The following PKHD1 variants were observed in gnomAD, a reference collection of about 807,000 sequenced individuals.
PKHD1 encodes the protein PKHD1 ciliary IPT domain containing fibrocystin/polyductin, also known as fibrocystin.
PKHD1 carries 291 observed loss-of-function variants against 412.0 expected under a neutral mutation model. The ratio of observed to expected loss-of-function variants is 0.71; its 90% CI spans 0.64 to 0.78. PKHD1 has a LOEUF of 0.78. Ranked by LOEUF, PKHD1 falls within the 30% of genes least tolerant of loss-of-function variation. The pLI, the probability that PKHD1 is intolerant of heterozygous loss-of-function variation, is 0.00. For synonymous variants in PKHD1, 1,777 were observed against 1,821.5 expected (o/e 0.98, Z 0.62); for missense variants, 4,825 against 4,950.7 (o/e 0.97, Z 0.76).
chr6:52,033,179 T>C lies in PKHD1; in HGVS notation c.3229-14A>G, dbSNP rs1306511159. The stretch of plus-strand genomic sequence containing the variant: ...TCCATCTTTCCCCTGAAAAATCAAT[T>C]TTAAAAATTAAACCTCAGTTTTATT... On this transcript the variant is annotated splice_polypyrimidine_tract_variant and intron_variant, in intron 28 of 66. Coordinates refer to ENST00000371117, the MANE Select transcript of PKHD1 (RefSeq NM_138694.4). 1 of 1,608,568 alleles carries C rather than the reference T, an allele frequency of 6.2e-7. No individual in the cohort carries two copies. The highest frequency in any genetic ancestry group is 8.5e-7 in the Non-Finnish European group (1 of 1,175,504).
intron 35 of PKHD1, among the ~76,000 whole-genome samples, chr6:51,981,325 C>A (rs1419537397): frequency 1.8e-4 from 4 of 21,806 alleles, no homozygotes; most frequent in African/African-American, 4.9e-4. Context: ...CCCTCTCCCT[C>A]TCCCTCTCCC....
intron 27 of PKHD1, among the ~76,000 whole-genome samples, chr6:52,039,060 A>G (rs1199090779): frequency 6.6e-6 from 1 of 152,258 alleles, no homozygotes. Context: ...AACTCAATTT[A>G]AAAATTGGCA....
intron 2 of PKHD1, 36 bp from the exon 3 acceptor site, chr6:52,083,291 G>T (rs750772975): frequency 3.7e-6 from 5 of 1,346,142 alleles, no homozygotes; most frequent in Non-Finnish European, 5.3e-6. Flanking sequence ...GGTTTTGAAG[G>T]TCAGATTCAA....
chr6:51,651,222 C>T (rs1189580778), intron 61 of PKHD1, among the ~76,000 whole-genome samples: 1 of 152,180 alleles, frequency 6.6e-6, no homozygotes, highest in Non-Finnish European at 1.5e-5. Flanking sequence ...AGGTCACAGA[C>T]TTGCTGCTGC....
intron 34 of PKHD1, among the ~76,000 whole-genome samples, chr6:52,011,418 G>A (rs1024189423): frequency 6.6e-6 from 1 of 152,224 alleles, no homozygotes; most frequent in African/African-American, 2.4e-5. Context: ...GGTGTAAAAA[G>A]TGTAACCCAA....
intron 51 of PKHD1, among the ~76,000 whole-genome samples, chr6:51,831,462 C>T (rs1403352077): frequency 6.6e-6 from 1 of 152,070 alleles, no homozygotes; most frequent in African/African-American, 2.4e-5. Context: ...TATTTAAATG[C>T]CTTGTAAACA....
chr6:51,953,781 A>T (rs1423429074), intron 36 of PKHD1, among the ~76,000 whole-genome samples: 1 of 152,060 alleles, frequency 6.6e-6, no homozygotes, highest in Non-Finnish European at 1.5e-5. Flanking sequence ...ACTTAAAAAG[A>T]TCTGAATGTC....
intron 36 of PKHD1, among the ~76,000 whole-genome samples, chr6:51,940,687 A>G (rs920370879): frequency 6.6e-6 from 1 of 151,698 alleles, no homozygotes; most frequent in Admixed American, 6.6e-5. Context: ...GGAAGCCTAC[A>G]GGACCATCGC....
At chr6:52,007,086 G>A (rs993901896) in intron 35 of PKHD1, among the ~76,000 whole-genome samples, 15 of 152,066 alleles carry the variant, frequency 9.9e-5, no homozygotes, top group African/African-American at 1.4e-4. Context: ...TTATTGACTC[G>A]TTTCCTGATG....
At position 51,791,075 on chromosome 6, in the gene PKHD1, T is replaced by C. The variant is rs190488577; in HGVS notation, c.8440+161A>G. 6.6e-3 allele frequency among the ~76,000 whole-genome samples: 1,006 copies of C among 152,286 alleles called. 6 individuals are homozygous for C. The highest frequency in any genetic ancestry group is 0.011 in the Non-Finnish European group (730 of 68,022). ...AATACAAGCCACCTCTGACCACATG[T>C]AAAGCTTGCCGAAGAGCAACTTTAC... On this transcript the variant is annotated intron_variant, in intron 53 of 66. Coordinates refer to ENST00000371117, the MANE Select transcript of PKHD1 (RefSeq NM_138694.4).
chr6:51,949,702 T>C (rs1479320412), intron 36 of PKHD1, among the ~76,000 whole-genome samples: 1 of 152,060 alleles, frequency 6.6e-6, no homozygotes, highest in Non-Finnish European at 1.5e-5. Flanking sequence ...TCCTATCCAC[T>C]AGCAGCTCAG....
chr6:51,673,415 C>CT (rs34352778), intron 60 of PKHD1, among the ~76,000 whole-genome samples: 10 of 152,224 alleles, frequency 6.6e-5, no homozygotes, highest in Admixed American at 5.9e-4. Flanking sequence ...AGCTTTCCTA[C>CT]TTTTCTGTGT....
intron 50 of PKHD1, among the ~76,000 whole-genome samples, chr6:51,841,179 A>G (rs1373135574): frequency 1.3e-5 from 2 of 152,214 alleles, no homozygotes; most frequent in African/African-American, 2.4e-5. Flanking sequence ...TAGGTATATA[A>G]GCTCAGATTT....
intron 53 of PKHD1, among the ~76,000 whole-genome samples, chr6:51,790,308 C>T (rs1036090323): frequency 1.3e-5 from 2 of 152,254 alleles, no homozygotes; most frequent in Admixed American, 6.5e-5. Flanking sequence ...ATACCTATTG[C>T]TTACAACAGT....
intron 18 of PKHD1, among the ~76,000 whole-genome samples, chr6:52,056,484 G>A (rs1807758340): frequency 6.6e-6 from 1 of 152,008 alleles, no homozygotes; most frequent in Non-Finnish European, 1.5e-5. Context: ...AGCCCAGGAG[G>A]AATGCCTTTC....
At chr6:52,008,666 A>G (rs986827494) in intron 35 of PKHD1, among the ~76,000 whole-genome samples, 7 of 152,220 alleles carry the variant, frequency 4.6e-5, no homozygotes, top group African/African-American at 1.7e-4. Flanking sequence ...GTGAACTAGC[A>G]CTGCCAATAA....
intron 35 of PKHD1, among the ~76,000 whole-genome samples, chr6:52,001,522 C>T (rs184454484): frequency 3.6e-4 from 54 of 151,854 alleles, no homozygotes; most frequent in African/African-American, 1.3e-3. Flanking sequence ...CTCCGCCTCC[C>T]GGGTTCACGT....
chr6:52,049,597 TAGA>T (rs958006589), intron 22 of PKHD1, among the ~76,000 whole-genome samples: 4 of 152,200 alleles, frequency 2.6e-5, no homozygotes, highest in Non-Finnish European at 5.9e-5. Flanking sequence ...TCCAGAAGCT[TAGA>T]AGAAGCCTGA....
At chr6:51,918,998 G>A (rs571705326) in intron 37 of PKHD1, among the ~76,000 whole-genome samples, 8 of 151,972 alleles carry the variant, frequency 5.3e-5, no homozygotes, top group Non-Finnish European at 7.4e-5. Flanking sequence ...TTGTAAATTT[G>A]TCTAAGTTCC....
Sources: gnomAD v4.1 joint callset for allele counts (sites outside exome capture counted in the v4.1 genomes callset) on GRCh38, gnomAD v4.1.1 for gene constraint, MANE v1.5 for transcripts, NCBI Gene and HGNC (gene_info 2026-07-23, HGNC 2026-07-21) for gene names.